The following CA10 variants were observed in gnomAD, a reference collection of about 807,000 sequenced individuals.
CA10 encodes the protein carbonic anhydrase 10 (inactive), also known as carbonic anhydrase-related protein 10.
A neutral mutation model predicts 44.2 loss-of-function variants in CA10; 14 were observed. The ratio of observed to expected loss-of-function variants is 0.32; its 90% confidence interval spans 0.21 to 0.50. CA10 has a LOEUF of 0.50. Among genes scored for constraint, CA10 ranks in the 20% least tolerant of loss-of-function variants. The pLI, the probability that CA10 is intolerant of heterozygous loss-of-function variation, is 0.99. For missense variants in CA10, 350 were observed against 409.7 expected (o/e 0.85, Z 1.26); for synonymous variants, 159 against 141.6 (o/e 1.12, Z -0.87).
At chr17:51,656,331 T>C (rs771718391) in intron 4 of CA10, among the ~76,000 whole-genome samples, 8 of 152,192 alleles carry the variant, frequency 5.3e-5, no homozygotes, top group Non-Finnish European at 1.0e-4. Context: ...GGTGGGGTTC[T>C]TTTGGGAGCC....
chr17:52,002,397 T>C (rs1985456120), intron 2 of CA10, among the ~76,000 whole-genome samples: 1 of 151,746 alleles, frequency 6.6e-6, no homozygotes, highest in South Asian at 2.1e-4. Flanking sequence ...AAAGTGCAGG[T>C]GACTCTGGGA....
At chr17:52,001,931 C>T (rs1985440377) in intron 2 of CA10, among the ~76,000 whole-genome samples, 1 of 151,914 alleles carries the variant, frequency 6.6e-6, no homozygotes, top group African/African-American at 2.4e-5. Flanking sequence ...ACCCTGAAGG[C>T]AACAGTTACC....
intron 4 of CA10, among the ~76,000 whole-genome samples, chr17:51,673,764 C>T (rs762745398): frequency 3.3e-5 from 5 of 152,206 alleles, no homozygotes; most frequent in Non-Finnish European, 7.3e-5. Context: ...TCCCTGCAAA[C>T]GAAATCCTTC....
chr17:52,031,856 T>G (rs917060791), intron 2 of CA10, among the ~76,000 whole-genome samples: 1 of 152,118 alleles, frequency 6.6e-6, no homozygotes, highest in Non-Finnish European at 1.5e-5. Context: ...AATTAGAAAT[T>G]GAGAATGTCT....
At chr17:52,115,120 T>C (rs1988864686) in intron 1 of CA10, among the ~76,000 whole-genome samples, 1 of 152,178 alleles carries the variant, frequency 6.6e-6, no homozygotes, top group Non-Finnish European at 1.5e-5. Context: ...ATTCACACCT[T>C]ATGCAGGGGA....
At chr17:52,124,649 G>A (rs2143327859) in intron 1 of CA10, among the ~76,000 whole-genome samples, 1 of 152,262 alleles carries the variant, frequency 6.6e-6, no homozygotes, top group Admixed American at 6.5e-5. Context: ...TATTCCCACA[G>A]TACCCAAACC....
intron 3 of CA10, among the ~76,000 whole-genome samples, chr17:51,834,868 GC>G (rs780663326): frequency 1.3e-5 from 2 of 152,174 alleles, no homozygotes. Flanking sequence ...CTAGTGTCAT[GC>G]AAAAGCAGAC....
At chr17:51,726,842 C>G (rs2143547099) in intron 4 of CA10, among the ~76,000 whole-genome samples, 1 of 152,254 alleles carries the variant, frequency 6.6e-6, no homozygotes, top group South Asian at 2.1e-4. Flanking sequence ...GAGAACTGCC[C>G]TCATTTGACA....
intron 5 of CA10, 129 bp from the exon 6 acceptor site, chr17:51,649,383 A>G (rs1339090579): frequency 1.4e-6 from 1 of 713,578 alleles, no homozygotes; most frequent in Admixed American, 2.3e-5. Context: ...GACAGCTGCA[A>G]ATTCAGAGAG....
chr17:51,772,183 T>A (rs1905637036), intron 3 of CA10, among the ~76,000 whole-genome samples: 1 of 152,234 alleles, frequency 6.6e-6, no homozygotes, highest in Non-Finnish European at 1.5e-5. Flanking sequence ...GAAGATTAAA[T>A]AAGGTAATAC....
chr17:51,729,718 G>A (rs1916651182), intron 4 of CA10, among the ~76,000 whole-genome samples: 1 of 152,140 alleles, frequency 6.6e-6, no homozygotes, highest in Non-Finnish European at 1.5e-5. Context: ...CCTCCTACCA[G>A]CTGGCATGAG....
At chr17:51,852,610 G>T (rs957586273) in intron 3 of CA10, among the ~76,000 whole-genome samples, 2 of 152,288 alleles carry the variant, frequency 1.3e-5, no homozygotes, top group Admixed American at 6.5e-5. Context: ...AATGTCCTAT[G>T]CTGAGTTAAA....
intron 4 of CA10, among the ~76,000 whole-genome samples, chr17:51,743,962 G>A (rs1036764334): frequency 5.9e-5 from 9 of 152,160 alleles, no homozygotes; most frequent in Non-Finnish European, 1.3e-4. Context: ...TAACCTTCAG[G>A]GTGAGATATG....
At chr17:51,822,848 G>C (rs1907865082) in intron 3 of CA10, among the ~76,000 whole-genome samples, 1 of 152,154 alleles carries the variant, frequency 6.6e-6, no homozygotes, top group African/African-American at 2.4e-5. Flanking sequence ...CATGTGAGAA[G>C]ACTCAAACGA....
chr17:51,687,908 T>G (rs988509643), intron 4 of CA10, among the ~76,000 whole-genome samples: 7 of 152,218 alleles, frequency 4.6e-5, no homozygotes, highest in African/African-American at 1.7e-4. Context: ...CCACCTGATA[T>G]TCATGCTCCT....
chr17:51,696,671 T>C (rs1379329361), intron 4 of CA10, among the ~76,000 whole-genome samples: 1 of 152,218 alleles, frequency 6.6e-6, no homozygotes, highest in East Asian at 1.9e-4. Context: ...CTAGGTGTGA[T>C]GTTAGATTGT....
intron 1 of CA10, among the ~76,000 whole-genome samples, chr17:52,075,902 C>T (rs1987805945): frequency 6.6e-6 from 1 of 152,164 alleles, no homozygotes; most frequent in South Asian, 2.1e-4. Context: ...AATACATTTG[C>T]CACCCCATTA....
chr17:51,862,817 A>G (rs62063221), intron 3 of CA10, among the ~76,000 whole-genome samples: 20,687 of 151,378 alleles, frequency 0.14, 1,940 homozygotes, highest in African/African-American at 0.28. Flanking sequence ...TTGGGGAGAG[A>G]AGAGAACAAA....
chr17:51,718,394 T>C (rs1916243883), intron 4 of CA10, among the ~76,000 whole-genome samples: 1 of 152,102 alleles, frequency 6.6e-6, no homozygotes, highest in Admixed American at 6.5e-5. Flanking sequence ...AATGACTTAA[T>C]CAATTGTGCC....
Sources: allele counts gnomAD v4.1 joint callset (sites outside exome capture counted in the v4.1 genomes callset), GRCh38; gene constraint gnomAD v4.1.1; transcripts MANE v1.5; gene names NCBI Gene and HGNC (gene_info 2026-07-23, HGNC 2026-07-21).